Variants in CNTNAP2 observed in about 807,000 individuals in gnomAD.
CNTNAP2 encodes the protein contactin associated protein 2, also known as contactin-associated protein-like 2.
In CNTNAP2, 98 loss-of-function variants were observed where a neutral mutation model predicts 155.2. The observed-to-expected ratio is 0.63, with a 90% CI of 0.54 to 0.75. The LOEUF (loss-of-function observed/expected upper bound fraction) is 0.75. CNTNAP2 is among the 30% of genes least tolerant of loss of function. CNTNAP2 has a pLI of 0.00. For missense variants in CNTNAP2, 1,727 were observed against 1,688.1 expected (o/e 1.02, Z -0.40); for synonymous variants, 651 against 631.2 (o/e 1.03, Z -0.47).
At chr7:147,422,860 A>G (rs1009043568) in intron 10 of CNTNAP2, among the ~76,000 whole-genome samples, 2 of 152,198 alleles carry the variant, frequency 1.3e-5, no homozygotes, top group Non-Finnish European at 2.9e-5. Context: ...ATACTTTGTT[A>G]TTATTGCTTT....
intron 17 of CNTNAP2, among the ~76,000 whole-genome samples, chr7:148,164,553 C>T (rs1805612507): frequency 6.6e-6 from 1 of 151,896 alleles, no homozygotes; most frequent in Non-Finnish European, 1.5e-5. Context: ...ACACAGCCCT[C>T]CACGAATGAT....
At chr7:146,329,964 A>G (rs1374677807) in intron 1 of CNTNAP2, among the ~76,000 whole-genome samples, 3 of 149,944 alleles carry the variant, frequency 2.0e-5, no homozygotes, top group African/African-American at 7.5e-5. Context: ...ATTATGCTGA[A>G]ATATTTTCTT....
At chr7:147,421,583 A>ATGTGTGTGTGTGTGTG (rs1331509521) in intron 10 of CNTNAP2, among the ~76,000 whole-genome samples, 3 of 47,142 alleles carry the variant, frequency 6.4e-5, no homozygotes, top group African/African-American at 3.6e-4. Flanking sequence ...TGTCTATCTA[A>ATGTGTGTGTGTGTGTG]TCTGTGTGTG....
chr7:146,218,685 T>A (rs977429192), intron 1 of CNTNAP2, among the ~76,000 whole-genome samples: 1 of 152,184 alleles, frequency 6.6e-6, no homozygotes, highest in African/African-American at 2.4e-5. Context: ...GAGAAGGTAG[T>A]CTAACACTTC....
chr7:146,750,284 A>G (rs1483438595), intron 1 of CNTNAP2, among the ~76,000 whole-genome samples: 1 of 151,744 alleles, frequency 6.6e-6, no homozygotes, highest in East Asian at 1.9e-4. Context: ...TTCCACCCCT[A>G]CCTCACCCTC....
chr7:147,575,415 C>T, intron 12 of CNTNAP2, among the ~76,000 whole-genome samples: 1 of 122,282 alleles, frequency 8.2e-6, no homozygotes, highest in African/African-American at 3.1e-5. Context: ...TATTCCCTAG[C>T]TTTAGGGGTA....
chr7:148,181,318 A>G (rs1478458420), intron 18 of CNTNAP2, among the ~76,000 whole-genome samples: 1 of 152,196 alleles, frequency 6.6e-6, no homozygotes, highest in Non-Finnish European at 1.5e-5. Context: ...TAATACCATA[A>G]CGCATGAAAA....
intron 15 of CNTNAP2, among the ~76,000 whole-genome samples, chr7:148,112,576 T>G (rs1267514956): frequency 1.3e-5 from 2 of 152,046 alleles, no homozygotes; most frequent in Non-Finnish European, 2.9e-5. Flanking sequence ...CTATTTTTTT[T>G]CAGAGACAGG....
At chr7:147,025,700 AAAAT>A (rs964072791) in intron 3 of CNTNAP2, among the ~76,000 whole-genome samples, 2 of 151,994 alleles carry the variant, frequency 1.3e-5, no homozygotes, top group South Asian at 2.1e-4. Context: ...TTCAAATTAA[AAAAT>A]AAAGGCAAAA....
chr7:146,643,220 A>G (rs1477141707), intron 1 of CNTNAP2, among the ~76,000 whole-genome samples: 1 of 149,464 alleles, frequency 6.7e-6, no homozygotes, highest in Non-Finnish European at 1.5e-5. Flanking sequence ...TGTTTTAGAC[A>G]TGAAGTCCTT....
chr7:146,722,184 C>T (rs942633626), intron 1 of CNTNAP2, among the ~76,000 whole-genome samples: 2 of 151,756 alleles, frequency 1.3e-5, no homozygotes, highest in African/African-American at 4.9e-5. Context: ...GCCAGCATGC[C>T]CAGCCCTCCT....
chr7:146,841,748 A>C (rs1803728589), intron 3 of CNTNAP2, among the ~76,000 whole-genome samples: 1 of 152,192 alleles, frequency 6.6e-6, no homozygotes, highest in Admixed American at 6.5e-5. Context: ...ATAATGTGCC[A>C]AGATAGTAAT....
intron 3 of CNTNAP2, among the ~76,000 whole-genome samples, chr7:147,023,789 A>T (rs912574076): frequency 6.6e-6 from 1 of 152,162 alleles, no homozygotes; most frequent in African/African-American, 2.4e-5. Context: ...ACCACTGGAG[A>T]TGTAATTGAG....
intron 16 of CNTNAP2, among the ~76,000 whole-genome samples, chr7:148,131,087 C>CTTTTTTT (rs755587892): frequency 2.1e-4 from 20 of 97,184 alleles, no homozygotes; most frequent in East Asian, 3.0e-4. Context: ...TTTTCTTCTT[C>CTTTTTTT]TTTTTTTTTT....
intron 13 of CNTNAP2, among the ~76,000 whole-genome samples, chr7:147,822,774 A>G (rs914924288): frequency 6.6e-6 from 1 of 152,188 alleles, no homozygotes; most frequent in South Asian, 2.1e-4. Flanking sequence ...GATGTATATG[A>G]CATCGCTAAG....
rs189538822 is a variant in CNTNAP2, at chr7:147,093,046, C to A, written c.551-15101C>A. ...GACCATCCTGGCTAACACGGTGAAA[C>A]CCTGTCTCTACTAAAAATACAAATA... is the stretch of plus-strand genomic sequence containing the variant. On this transcript the variant is annotated intron_variant, in intron 4 of 23. Coordinates refer to ENST00000361727, the MANE Select transcript of CNTNAP2 (RefSeq NM_014141.6). 9.6e-4 allele frequency among the ~76,000 whole-genome samples: 141 copies of A among 147,180 alleles called. 1 individual carries two copies. In the East Asian group the frequency reaches 0.022, roughly 23 times the overall value.
intron 1 of CNTNAP2, among the ~76,000 whole-genome samples, chr7:146,550,896 G>A (rs190987264): frequency 2.2e-4 from 34 of 152,120 alleles, no homozygotes; most frequent in Non-Finnish European, 4.6e-4. Context: ...GACACCTGAA[G>A]AGAATCTGGA....
chr7:146,795,755 A>G (rs1174099594), intron 2 of CNTNAP2, among the ~76,000 whole-genome samples: 1 of 152,196 alleles, frequency 6.6e-6, no homozygotes, highest in East Asian at 1.9e-4. Flanking sequence ...TAAAATTGAC[A>G]TGTTCACACC....
intron 21 of CNTNAP2, among the ~76,000 whole-genome samples, chr7:148,269,402 A>G (rs971148887): frequency 2.1e-4 from 32 of 152,276 alleles, no homozygotes; most frequent in African/African-American, 7.5e-4. Context: ...TAGTTGATGT[A>G]TTTTTACAGA....
Sources: gnomAD v4.1 joint callset for allele counts (sites outside exome capture counted in the v4.1 genomes callset) on GRCh38, gnomAD v4.1.1 for gene constraint, MANE v1.5 for transcripts, NCBI Gene and HGNC (gene_info 2026-07-23, HGNC 2026-07-21) for gene names.